The following SYNPO2 variants were observed in gnomAD, a reference collection of about 807,000 sequenced individuals.
The protein encoded by SYNPO2 is synaptopodin 2, also known as synaptopodin-2.
In SYNPO2, 56 loss-of-function variants were observed where a neutral mutation model predicts 85.0. The ratio of observed to expected loss-of-function variants is 0.66; its 90% CI spans 0.53 to 0.82. The LOEUF (loss-of-function observed/expected upper bound fraction) is 0.82. SYNPO2 is among the 40% of genes least tolerant of loss of function. The pLI is 0.00. For synonymous variants in SYNPO2, 602 were observed against 591.1 expected, an observed-to-expected ratio of 1.02 and a Z score of -0.27; for missense variants, 1,575 against 1,534.2, an observed-to-expected ratio of 1.03 and a Z score of -0.44.
Position 118,882,924 on chromosome 4 carries a change from G to A in SYNPO2, c.12+31984G>A, listed in dbSNP as rs576835478. Among the ~76,000 whole-genome samples, 73 of 151,966 alleles carry A rather than the reference G, an allele frequency of 4.8e-4. 1 individual carries two copies. Among genetic ancestry groups the A allele is most frequent in the South Asian group, 4.4e-3 (21 of 4,792 alleles). On this transcript the variant is annotated intron_variant, in intron 1 of 4. Coordinates refer to the SYNPO2 transcript ENST00000610556. Reference sequence around the variant, plus strand: ...AGCTGGGACTACAGCCACCACGCCCGGCTAATTTTTTGTATTTTTAGTGAG... The same window carrying A: ...AGCTGGGACTACAGCCACCACGCCCAGCTAATTTTTTGTATTTTTAGTGAG...
At chr4:119,018,851 T>A (rs1210289641) in intron 1 of SYNPO2, among the ~76,000 whole-genome samples, 1 of 152,186 alleles carries the variant, frequency 6.6e-6, no homozygotes, top group African/African-American at 2.4e-5. Flanking sequence ...TTTGAGGTGA[T>A]GAATACCCTA....
intron 1 of SYNPO2, among the ~76,000 whole-genome samples, chr4:118,920,758 G>A (rs1733505171): frequency 6.6e-6 from 1 of 152,072 alleles, no homozygotes; most frequent in South Asian, 2.1e-4. Flanking sequence ...TATTTTCACA[G>A]TACACATATG....
intron 2 of SYNPO2, among the ~76,000 whole-genome samples, chr4:119,025,430 T>A (rs1276354318): frequency 6.6e-6 from 1 of 152,244 alleles, no homozygotes; most frequent in Non-Finnish European, 1.5e-5. Flanking sequence ...CTTTTCCAAT[T>A]ACTTGCGTAT....
rs531246384 is a variant in SYNPO2, at chr4:119,030,214, A to G, written c.1439A>G (p.Lys480Arg). ...GAAAAGAAACTGAACAGAGGGGACA[A>G]GATGGAGATGTTACCAGACACCACA... is the stretch of plus-strand genomic sequence containing the variant. Reference protein sequence around the residue: ...DIEKKLNRGDKMEMLPDTTGK... With the variant: ...DIEKKLNRGDRMEMLPDTTGK... The change falls in exon 4 of 5, where the codon AAG becomes AGG. Residue 480 changes from lysine to arginine, a missense_variant. Lys to Arg is a conservative substitution (Grantham distance 26, BLOSUM62 2). This residue lies in a region of SYNPO2 where 1,508 missense variants were observed against 1,446.8 expected (regional missense o/e 1.04). Transcript: ENST00000307142. 1.1e-5 allele frequency: 17 copies of G among 1,613,970 alleles called. No homozygotes were observed. The highest frequency in any genetic ancestry group is 1.4e-5 in the Non-Finnish European group (16 of 1,180,008).
At chr4:119,006,390 C>T (rs546832581) in intron 1 of SYNPO2, 1 of 152,230 alleles carries the variant, frequency 6.6e-6, no homozygotes, top group Non-Finnish European at 1.5e-5. Flanking sequence ...GGAGAAAGAC[C>T]CCAAAACTAT....
chr4:118,927,272 T>C (rs1199148300), intron 1 of SYNPO2, among the ~76,000 whole-genome samples: 2 of 152,148 alleles, frequency 1.3e-5, no homozygotes, highest in African/African-American at 4.8e-5. Context: ...AATCCATAAT[T>C]TGACATTATT....
chr4:119,036,261 A>G (rs1738506154), intron 4 of SYNPO2: 3 of 985,434 alleles, frequency 3.0e-6, no homozygotes, highest in South Asian at 9.4e-5. Flanking sequence ...GCGTGTGCTC[A>G]TTCTCTTTAA....
chr4:119,006,208 A>C lies in SYNPO2; in HGVS notation c.106-17222A>C, dbSNP rs149690200. 1.7e-3 allele frequency: 259 copies of C among 152,826 alleles called. 2 individuals are homozygous for C. Among genetic ancestry groups the C allele is most frequent in the Non-Finnish European group, 2.4e-3 (163 of 68,052 alleles). 9.5% of individuals were successfully genotyped at this position (152,826 alleles called of 1,614,324 possible). A position where few individuals can be genotyped will look rare whatever the true frequency, so the allele number is the denominator to read the frequency against. On this transcript the variant is annotated intron_variant, in intron 1 of 4. Transcript: ENST00000307142. Reference sequence around the variant, plus strand: ...TTTCTTATACTTTTTATAATACATGAAGCCAAAAGGACATGCTGATGAAGT... The same window carrying C: ...TTTCTTATACTTTTTATAATACATGCAGCCAAAAGGACATGCTGATGAAGT...
intron 1 of SYNPO2, among the ~76,000 whole-genome samples, chr4:118,977,751 T>G (rs1268135894): frequency 6.6e-6 from 1 of 152,212 alleles, no homozygotes; most frequent in African/African-American, 2.4e-5. Flanking sequence ...CTATAGAAAT[T>G]TCTGCATTAT....
chr4:119,034,929 G>A (rs562339856), intron 4 of SYNPO2: 124 of 985,510 alleles, frequency 1.3e-4, no homozygotes, highest in Non-Finnish European at 1.5e-4. Context: ...TGGTCCGCTG[G>A]TTATGAGGTG....
At chr4:119,045,041 T>A (rs1738833570) in intron 4 of SYNPO2, among the ~76,000 whole-genome samples, 1 of 152,244 alleles carries the variant, frequency 6.6e-6, no homozygotes, top group African/African-American at 2.4e-5. Flanking sequence ...AAATCAAGTT[T>A]GTTACATGGT....
At chr4:118,862,595 TA>T (rs1405010931) in intron 1 of SYNPO2, among the ~76,000 whole-genome samples, 2 of 152,222 alleles carry the variant, frequency 1.3e-5, no homozygotes, top group Non-Finnish European at 2.9e-5. Context: ...ATATTATTTT[TA>T]TCCTTCATTC....
intron 1 of SYNPO2, among the ~76,000 whole-genome samples, chr4:118,964,529 A>G (rs1375259377): frequency 2.0e-5 from 3 of 151,706 alleles, no homozygotes; most frequent in Non-Finnish European, 2.9e-5. Flanking sequence ...AAACTGAGAG[A>G]TATGGAAAAA....
chr4:119,034,244 C>T, intron 4 of SYNPO2: 1 of 985,424 alleles, frequency 1.0e-6, no homozygotes, highest in African/African-American at 1.7e-5. Context: ...GCATTCTTAA[C>T]ATAGCATTTA....
chr4:118,879,412 C>A (rs111989949), intron 1 of SYNPO2, among the ~76,000 whole-genome samples: 1 of 152,048 alleles, frequency 6.6e-6, no homozygotes, highest in South Asian at 2.1e-4. Context: ...TGGGGCTGTG[C>A]GAAGGTAATT....
intron 4 of SYNPO2, chr4:119,038,570 A>C (rs1305130113): frequency 1.0e-6 from 1 of 985,260 alleles, no homozygotes; most frequent in Non-Finnish European, 1.2e-6. Context: ...TAACTCAGGG[A>C]ACTTTCTTAT....
intron 1 of SYNPO2, among the ~76,000 whole-genome samples, chr4:118,902,359 A>G (rs1173178368): frequency 2.6e-5 from 4 of 152,174 alleles, no homozygotes; most frequent in Non-Finnish European, 5.9e-5. Context: ...AAAGAGGTTT[A>G]ATGAACTCAC....
At chr4:119,020,540 A>G (rs1486461014) in intron 1 of SYNPO2, among the ~76,000 whole-genome samples, 1 of 152,128 alleles carries the variant, frequency 6.6e-6, no homozygotes, top group Non-Finnish European at 1.5e-5. Context: ...TAAAACTCAG[A>G]CAACTCATGG....
intron 1 of SYNPO2, among the ~76,000 whole-genome samples, chr4:118,974,643 T>A (rs1735655132): frequency 6.6e-6 from 1 of 152,246 alleles, no homozygotes; most frequent in Admixed American, 6.5e-5. Flanking sequence ...ACTGAAAATT[T>A]TGAAAAGAGA....
Sources: allele counts gnomAD v4.1 joint callset (sites outside exome capture counted in the v4.1 genomes callset), GRCh38; gene constraint gnomAD v4.1.1; regional missense constraint gnomAD v4.1.1; transcripts MANE v1.5; gene names NCBI Gene and HGNC (gene_info 2026-07-23, HGNC 2026-07-21).